RFX6: variants seen among roughly 807,000 people sequenced by gnomAD.
RFX6 encodes the protein DNA-binding protein RFX6.
RFX6 carries 50 observed loss-of-function variants against 110.8 expected under a neutral mutation model. The ratio of observed to expected loss-of-function variants is 0.45; its 90% CI spans 0.36 to 0.57. The LOEUF (loss-of-function observed/expected upper bound fraction) is 0.57. Ranked by LOEUF, RFX6 falls within the 20% of genes least tolerant of loss-of-function variation. The pLI is 0.00. For missense variants in RFX6, 990 were observed against 1,127.0 expected, an observed-to-expected ratio of 0.88 and a Z score of 1.74; for synonymous variants, 383 against 411.2, an observed-to-expected ratio of 0.93 and a Z score of 0.83.
At chr6:116,880,696 T>C (rs1322925545) in intron 3 of RFX6, 29 bp downstream of exon 3, 1 of 1,611,716 alleles carries the variant, frequency 6.2e-7, no homozygotes, top group South Asian at 1.1e-5. Context: ...CTATAGTGAC[T>C]TATAACTAAA....
chr6:116,899,144 A>G (rs1201742652), intron 6 of RFX6, among the ~76,000 whole-genome samples: 1 of 152,200 alleles, frequency 6.6e-6, no homozygotes, highest in Non-Finnish European at 1.5e-5. Context: ...AGGAACAGTT[A>G]TAATAAGAGA....
At chr6:116,919,771 A>C (rs1775552433) in intron 11 of RFX6, among the ~76,000 whole-genome samples, 1 of 152,214 alleles carries the variant, frequency 6.6e-6, no homozygotes, top group Non-Finnish European at 1.5e-5. Flanking sequence ...CCGACTAATC[A>C]TGGCTCTTTT....
intron 2 of RFX6, among the ~76,000 whole-genome samples, chr6:116,878,186 T>C (rs369372255): frequency 6.6e-6 from 1 of 152,250 alleles, no homozygotes; most frequent in African/African-American, 2.4e-5. Flanking sequence ...TTGTTCCTTA[T>C]TGACTAAAAC....
chr6:116,920,304 A>G lies in RFX6; in HGVS notation c.1183-6A>G. On this transcript the variant is annotated splice_region_variant and splice_polypyrimidine_tract_variant and intron_variant, in intron 11 of 18. Coordinates refer to ENST00000332958, the MANE Select transcript of RFX6 (RefSeq NM_173560.4). ...GTGTAGTGTCTTCTTTACTTTCTCT[A>G]TGCAGATTGCCAGACCAGCTCTCTT... 6.2e-7 allele frequency: 1 copy of G among 1,607,952 alleles called. No individual in the cohort carries two copies. The highest frequency in any genetic ancestry group is 8.5e-7 in the Non-Finnish European group (1 of 1,174,426).
rs1224318786 is a variant in RFX6 at position 116,877,489 on chromosome 6, G to T, written c.214G>T (p.Val72Leu). Residue 72 changes from valine to leucine, a missense_variant, in exon 1 of 19, where the codon GTG becomes TTG. Coordinates refer to ENST00000332958, the MANE Select transcript of RFX6 (RefSeq NM_173560.4). ...KGEDPELPGAVKSEMHLNNGN... is the reference protein window; with the variant it reads ...KGEDPELPGALKSEMHLNNGN... ...CGAAGACCCGGAGCTGCCGGGGGCA[G>T]TGAAATCAGGTGAGTGCTCTGCCGC... The T allele has an allele frequency of 1.9e-6, 3 of 1,556,112 alleles. No homozygotes were observed. The highest frequency in any genetic ancestry group is 2.6e-6 in the Non-Finnish European group (3 of 1,149,384).
intron 1 of RFX6, 23 bp from the exon 2 acceptor site, chr6:116,877,773 T>G (rs1562130266): frequency 6.2e-7 from 1 of 1,612,950 alleles, no homozygotes; most frequent in Non-Finnish European, 8.5e-7. Flanking sequence ...TTTTTCTTTA[T>G]CATCCCTTCA....
In RFX6 at chr6:116,877,270, A is replaced by T; in HGVS notation, c.-6A>T. 1 of 1,606,018 alleles carries T rather than the reference A, an allele frequency of 6.2e-7. No individual in the cohort carries two copies. The highest frequency in any genetic ancestry group is 8.5e-7 in the Non-Finnish European group (1 of 1,176,492). ...GCGCGCGCGGAGGTGTCCGGCGGCC[A>T]GGAGGATGGCCAAGGTCCCGGAGCT... On this transcript the variant is annotated 5_prime_UTR_variant, in exon 1 of 19. Coordinates refer to ENST00000332958, the MANE Select transcript of RFX6 (RefSeq NM_173560.4).
At chr6:116,925,741 A>G in intron 16 of RFX6, 82 bp downstream of exon 16, 2 of 872,636 alleles carry the variant, frequency 2.3e-6, no homozygotes, top group South Asian at 2.9e-5. Context: ...CATAACTTCC[A>G]GTCCAGGAAT....
At chr6:116,920,490 TA>T in intron 12 of RFX6, 36 bp downstream of exon 12, 1 of 1,588,582 alleles carries the variant, frequency 6.3e-7, no homozygotes, top group South Asian at 1.1e-5. Context: ...CAAGGTTTTC[TA>T]AGCTCAGAAA....
chr6:116,920,524 C>A, intron 12 of RFX6, 70 bp downstream of exon 12: 1 of 1,351,060 alleles, frequency 7.4e-7, no homozygotes, highest in Non-Finnish European at 1.1e-6. Flanking sequence ...AGCTGGGTAA[C>A]TCTGTTGGAG....
In RFX6 at chr6:116,931,646, G is replaced by T; in HGVS notation, c.*140G>T. The T allele has an allele frequency of 1.5e-6, 1 of 654,634 alleles. No individual in the cohort carries two copies. Among genetic ancestry groups the T allele is most frequent in the Non-Finnish European group, 2.7e-6 (1 of 375,848 alleles). The allele number at this position is 654,634 out of a possible 1,614,324, so 40.6% of individuals were successfully genotyped here. The stretch of plus-strand genomic sequence containing the variant: ...ATTGTTTTAAAGTCACTGGTACTAT[G>T]GACAACTCCATAGTGAATGGAGATA... On this transcript the variant is annotated 3_prime_UTR_variant, in exon 19 of 19. Transcript: ENST00000332958.
chr6:116,890,917 A>T (rs1265944767), intron 4 of RFX6, among the ~76,000 whole-genome samples: 2 of 152,210 alleles, frequency 1.3e-5, no homozygotes, highest in Non-Finnish European at 2.9e-5. Flanking sequence ...ATAATCATTT[A>T]TAACAATAAG....
At chr6:116,889,624 C>T (rs867683838) in intron 4 of RFX6, among the ~76,000 whole-genome samples, 123 of 152,124 alleles carry the variant, frequency 8.1e-4, no homozygotes, top group African/African-American at 2.9e-3. Context: ...AAAGGTACCA[C>T]CGTGGCTATG....
intron 11 of RFX6, 42 bp downstream of exon 11, chr6:116,919,338 A>G: frequency 6.4e-7 from 1 of 1,562,730 alleles, no homozygotes; most frequent in Non-Finnish European, 8.8e-7. Flanking sequence ...GTCACCATAT[A>G]AAAAATGAAT....
At chr6:116,915,613 T>A (rs1247156494) in intron 7 of RFX6, among the ~76,000 whole-genome samples, 1 of 152,156 alleles carries the variant, frequency 6.6e-6, no homozygotes, top group Non-Finnish European at 1.5e-5. Context: ...TTTACTACTT[T>A]ATGTTTATTT....
intron 6 of RFX6, among the ~76,000 whole-genome samples, chr6:116,903,539 G>T (rs1330441397): frequency 6.6e-6 from 1 of 151,876 alleles, no homozygotes; most frequent in Non-Finnish European, 1.5e-5. Flanking sequence ...AGTCCTCTGT[G>T]CACCCACTTC....
rs548425758 is a variant in RFX6, at chr6:116,921,045, G to T, written c.1327+591G>T. On this transcript the variant is annotated intron_variant, in intron 12 of 18. Transcript: ENST00000332958. ...CTGAGAGAGCTTACCAAGCCAATAT[G>T]CATGGCTAGACAACTAGGCTTGAAT... Among the ~76,000 whole-genome samples the T allele has an allele frequency of 3.9e-5, 6 of 152,264 alleles. No individual in the cohort carries two copies. In the South Asian group the frequency reaches 8.3e-4, roughly 21 times the overall value.
At chr6:116,883,974 A>G (rs1211067580) in intron 4 of RFX6, among the ~76,000 whole-genome samples, 1 of 152,150 alleles carries the variant, frequency 6.6e-6, no homozygotes, top group South Asian at 2.1e-4. Flanking sequence ...TTCAAGGTCC[A>G]TCATGATTTA....
intron 7 of RFX6, among the ~76,000 whole-genome samples, chr6:116,914,141 C>T (rs571133574): frequency 1.2e-4 from 19 of 152,274 alleles, no homozygotes; most frequent in Admixed American, 1.1e-3. Flanking sequence ...TTCATGAGAT[C>T]CACTTGTTTA....
Sources: gnomAD v4.1 joint callset for allele counts (sites outside exome capture counted in the v4.1 genomes callset) on GRCh38, gnomAD v4.1.1 for gene constraint, MANE v1.5 for transcripts, NCBI Gene and HGNC (gene_info 2026-07-23, HGNC 2026-07-21) for gene names.